AGBL1: variants seen among roughly 807,000 people sequenced by gnomAD.
The protein encoded by AGBL1 is AGBL carboxypeptidase 1.
Under a neutral mutation model 118.9 loss-of-function variants are expected in AGBL1, and 130 were observed. That is an observed-to-expected ratio of 1.09 (90% CI 0.95 to 1.26). AGBL1 has a LOEUF of 1.26. Ranked by LOEUF, AGBL1 falls within the 50% of genes most tolerant of loss-of-function variation. The pLI is 0.00. For missense variants in AGBL1, 1,584 were observed against 1,298.1 expected, an observed-to-expected ratio of 1.22 and a Z score of -3.38; for synonymous variants, 555 against 478.9, an observed-to-expected ratio of 1.16 and a Z score of -2.08.
intron 22 of AGBL1, among the ~76,000 whole-genome samples, chr15:86,705,255 T>A (rs2086429121): frequency 6.6e-6 from 1 of 152,084 alleles, no homozygotes; most frequent in African/African-American, 2.4e-5. Context: ...TATACCTGTA[T>A]AACAAACATG....
At chr15:86,248,230 T>G (rs894189847) in intron 7 of AGBL1, among the ~76,000 whole-genome samples, 1 of 152,128 alleles carries the variant, frequency 6.6e-6, no homozygotes, top group African/African-American at 2.4e-5. Context: ...GACAGGAGAA[T>G]TGCTTGAACT....
At chr15:86,382,564 A>T (rs2081127052) in intron 17 of AGBL1, among the ~76,000 whole-genome samples, 1 of 152,132 alleles carries the variant, frequency 6.6e-6, no homozygotes, top group Non-Finnish European at 1.5e-5. Flanking sequence ...GTTGCCCAGC[A>T]ACTGGAAATC....
chr15:86,414,421 T>C (rs902689536), intron 18 of AGBL1, among the ~76,000 whole-genome samples: 2 of 152,114 alleles, frequency 1.3e-5, no homozygotes, highest in Non-Finnish European at 2.9e-5. Flanking sequence ...GGTAGTTGGA[T>C]GTCTAAGTGT....
chr15:86,150,811 C>T lies in AGBL1; in HGVS notation c.263-3619C>T, dbSNP rs192230986. On this transcript the variant is annotated intron_variant, in intron 3 of 22. Transcript: ENST00000614907. ...CTGATACCAAAGTCTGGCAGAGACA[C>T]AACAAAAAGAATTTTAGAACAATAT... Among the ~76,000 whole-genome samples, 77 of 152,166 alleles carry T rather than the reference C, an allele frequency of 5.1e-4. No individual in the cohort carries two copies. In the Middle Eastern group the frequency reaches 0.01, roughly 20 times the overall value.
At chr15:86,872,020 G>GA (rs1380216599) in intron 22 of AGBL1, among the ~76,000 whole-genome samples, 1 of 152,188 alleles carries the variant, frequency 6.6e-6, no homozygotes, top group Non-Finnish European at 1.5e-5. Context: ...ATTCAGATGA[G>GA]AAAATGCTTT....
chr15:86,746,304 T>C (rs1331548350), intron 22 of AGBL1, among the ~76,000 whole-genome samples: 1 of 152,124 alleles, frequency 6.6e-6, no homozygotes, highest in African/African-American at 2.4e-5. Flanking sequence ...TTTTATTTCT[T>C]CAAACATGAC....
chr15:86,745,334 T>A (rs1250534931), intron 22 of AGBL1, among the ~76,000 whole-genome samples: 2 of 152,102 alleles, frequency 1.3e-5, no homozygotes, highest in Non-Finnish European at 2.9e-5. Context: ...TAAGTTTACA[T>A]GACCTGCTCT....
intron 23 of AGBL1, among the ~76,000 whole-genome samples, chr15:86,937,690 T>C (rs1234006324): frequency 1.3e-5 from 2 of 152,178 alleles, no homozygotes; most frequent in African/African-American, 4.8e-5. Context: ...AAAAGATAAC[T>C]ATTGGATACT....
intron 22 of AGBL1, among the ~76,000 whole-genome samples, chr15:86,856,779 G>A (rs986461407): frequency 6.6e-6 from 1 of 152,226 alleles, no homozygotes; most frequent in Admixed American, 6.5e-5. Context: ...AGCCAGAACT[G>A]CATTACACGC....
At chr15:86,816,876 TA>T (rs1261963448) in intron 22 of AGBL1, among the ~76,000 whole-genome samples, 1 of 152,178 alleles carries the variant, frequency 6.6e-6, no homozygotes, top group Non-Finnish European at 1.5e-5. Flanking sequence ...CTTAGGTCAT[TA>T]AACCTTCACA....
intron 17 of AGBL1, among the ~76,000 whole-genome samples, chr15:86,372,957 G>A (rs2080990632): frequency 6.6e-6 from 1 of 152,138 alleles, no homozygotes; most frequent in South Asian, 2.1e-4. Flanking sequence ...AAATTTTAAA[G>A]TGCTGGGAAG....
intron 21 of AGBL1, among the ~76,000 whole-genome samples, chr15:86,636,327 T>G (rs1488851923): frequency 1.3e-5 from 2 of 152,066 alleles, no homozygotes; most frequent in Non-Finnish European, 2.9e-5. Context: ...TCAGAGACAT[T>G]TTATAGATGT....
intron 22 of AGBL1, among the ~76,000 whole-genome samples, chr15:86,857,975 G>A (rs551238343): frequency 5.8e-4 from 89 of 152,186 alleles, no homozygotes; most frequent in Middle Eastern, 6.8e-3. Context: ...TTGCTTTTAT[G>A]AGCCCTTACC....
intron 22 of AGBL1, among the ~76,000 whole-genome samples, chr15:86,713,077 C>T (rs1253137422): frequency 4.6e-5 from 7 of 152,232 alleles, no homozygotes. Context: ...GGGTCTTTGT[C>T]TTATTTACAC....
chr15:87,001,550 G>A lies in AGBL1; in HGVS notation c.3323+13462G>A, dbSNP rs183189141. On this transcript the variant is annotated intron_variant, in intron 24 of 24. Coordinates refer to the AGBL1 transcript ENST00000441037. ...TCTAGTTCTAGATCCTTGAGGAATCGCCACACTGACTTCCACAATGGTTGA... is the reference window on the plus strand; with the variant it reads ...TCTAGTTCTAGATCCTTGAGGAATCACCACACTGACTTCCACAATGGTTGA... Among the ~76,000 whole-genome samples the A allele has an allele frequency of 6.3e-3, 955 of 152,080 alleles. 7 individuals carry two copies. The highest frequency in any genetic ancestry group is 0.011 in the Non-Finnish European group (733 of 68,002).
chr15:86,748,692 G>T (rs1413557079), intron 22 of AGBL1, among the ~76,000 whole-genome samples: 1 of 151,570 alleles, frequency 6.6e-6, no homozygotes, highest in East Asian at 1.9e-4. Context: ...TTTGTATAAG[G>T]TGTAAGGAAG....
intron 9 of AGBL1, among the ~76,000 whole-genome samples, chr15:86,259,176 C>G (rs2078944302): frequency 1.3e-5 from 2 of 152,160 alleles, no homozygotes; most frequent in African/African-American, 2.4e-5. Context: ...TCACCTCTAC[C>G]CACTGGATAT....
chr15:86,822,153 CT>C (rs1446637030), intron 22 of AGBL1, among the ~76,000 whole-genome samples: 2 of 152,112 alleles, frequency 1.3e-5, no homozygotes, highest in Non-Finnish European at 2.9e-5. Context: ...GTATATTTGC[CT>C]CCTTTTTTGC....
At chr15:86,280,493 A>T (rs1181815019) in intron 16 of AGBL1, among the ~76,000 whole-genome samples, 1 of 152,204 alleles carries the variant, frequency 6.6e-6, no homozygotes, top group Non-Finnish European at 1.5e-5. Context: ...CTGTCATTTG[A>T]AAAAGCTGGC....
Sources: allele counts gnomAD v4.1 joint callset (sites outside exome capture counted in the v4.1 genomes callset), GRCh38; gene constraint gnomAD v4.1.1; transcripts MANE v1.5; gene names NCBI Gene and HGNC (gene_info 2026-07-23, HGNC 2026-07-21).